SSH2: variants seen among roughly 807,000 people sequenced by gnomAD.
SSH2 encodes slingshot protein phosphatase 2.
A neutral mutation model predicts 135.2 loss-of-function variants in SSH2; 37 were observed. The ratio of observed to expected loss-of-function variants is 0.27; its 90% CI spans 0.21 to 0.36. The LOEUF is 0.36. SSH2 is among the 10% of genes least tolerant of loss of function. The pLI is 1.00. For synonymous variants in SSH2, 628 were observed against 646.2 expected (o/e 0.97, Z 0.43); for missense variants, 1,408 against 1,765.3 (o/e 0.80, Z 3.63).
chr17:29,683,409 A>AT (rs1472778353), intron 6 of SSH2, among the ~76,000 whole-genome samples: 2 of 152,216 alleles, frequency 1.3e-5, no homozygotes, highest in African/African-American at 4.8e-5. Flanking sequence ...GTACATAAAA[A>AT]GTTCTGCTTT....
At chr17:29,690,485 T>C (rs892378147) in intron 5 of SSH2, among the ~76,000 whole-genome samples, 1 of 151,788 alleles carries the variant, frequency 6.6e-6, no homozygotes, top group African/African-American at 2.4e-5. Flanking sequence ...GTAAGACTCT[T>C]GGTGAAAAGA....
intron 4 of SSH2, 86 bp downstream of exon 4, chr17:29,702,873 A>T: frequency 3.8e-6 from 4 of 1,056,308 alleles, no homozygotes; most frequent in Non-Finnish European, 5.9e-6. Context: ...GAACTTCTGA[A>T]GAGATGGGGA....
At chr17:29,743,816 T>C (rs2040652786) in intron 3 of SSH2, among the ~76,000 whole-genome samples, 1 of 152,190 alleles carries the variant, frequency 6.6e-6, no homozygotes, top group Non-Finnish European at 1.5e-5. Flanking sequence ...CACTAAATGT[T>C]ATGAAATATG....
chr17:29,826,651 C>T (rs973661978), intron 2 of SSH2, among the ~76,000 whole-genome samples: 1 of 152,138 alleles, frequency 6.6e-6, no homozygotes, highest in African/African-American at 2.4e-5. Flanking sequence ...AAGATGACCA[C>T]CTACCACACT....
At chr17:29,899,882 T>C (rs1399857422) in intron 1 of SSH2, among the ~76,000 whole-genome samples, 1 of 152,152 alleles carries the variant, frequency 6.6e-6, no homozygotes, top group African/African-American at 2.4e-5. Context: ...CTTCAAACTA[T>C]GCTACAAGGC....
At chr17:29,750,383 G>A (rs980613790) in intron 3 of SSH2, among the ~76,000 whole-genome samples, 1 of 146,974 alleles carries the variant, frequency 6.8e-6, no homozygotes, top group African/African-American at 2.5e-5. Flanking sequence ...AGGTGGCAGC[G>A]AGCCGAGATC....
chr17:29,652,953 G>T lies in SSH2; in HGVS notation c.1080-2153C>A, dbSNP rs553487965. 2.0e-5 allele frequency among the ~76,000 whole-genome samples: 3 copies of T among 152,226 alleles called. No individual in the cohort carries two copies. The East Asian group carries it at 5.8e-4, about 29-fold the overall frequency. ...TTACAGGTGTGAACCACCTTGCCCG[G>T]CCTCCTTATTTTATTTAAAATAAAA... On this transcript the variant is annotated intron_variant, in intron 12 of 15. Coordinates refer to ENST00000540801, the MANE Select transcript of SSH2 (RefSeq NM_001282129.2).
intron 3 of SSH2, among the ~76,000 whole-genome samples, chr17:29,718,154 T>C (rs1020163624): frequency 6.6e-6 from 1 of 152,210 alleles, no homozygotes; most frequent in African/African-American, 2.4e-5. Flanking sequence ...GACCATTTGA[T>C]ATGGTTAACA....
chr17:29,725,765 G>A (rs1045370494), intron 3 of SSH2, among the ~76,000 whole-genome samples: 6 of 152,198 alleles, frequency 3.9e-5, no homozygotes, highest in Non-Finnish European at 8.8e-5. Flanking sequence ...GGGGGCAAGA[G>A]GAGGGAGAGC....
At chr17:29,818,429 T>C (rs2042597258) in intron 2 of SSH2, among the ~76,000 whole-genome samples, 1 of 152,062 alleles carries the variant, frequency 6.6e-6, no homozygotes, top group Non-Finnish European at 1.5e-5. Flanking sequence ...TTCGTATTTT[T>C]AGTAGAGACG....
At chr17:29,745,046 T>C (rs1598923074) in intron 3 of SSH2, among the ~76,000 whole-genome samples, 1 of 152,160 alleles carries the variant, frequency 6.6e-6, no homozygotes, top group South Asian at 2.1e-4. Context: ...CCTTCCTAAA[T>C]AAACTATGTA....
intron 1 of SSH2, among the ~76,000 whole-genome samples, chr17:29,881,421 C>A (rs549230829): frequency 1.3e-5 from 2 of 152,090 alleles, no homozygotes; most frequent in African/African-American, 4.8e-5. Flanking sequence ...ATCTGTAGTG[C>A]CTATTTTCCC....
chr17:29,630,932 CG>C lies in SSH2; in HGVS notation c.4261del (p.Arg1421ValfsTer13), dbSNP rs1264148889. The C allele has an allele frequency of 3.7e-6, 6 of 1,609,148 alleles. No homozygotes were observed. Among genetic ancestry groups the C allele is most frequent in the Non-Finnish European group, 5.1e-6 (6 of 1,175,880 alleles). On this transcript the variant is annotated frameshift_variant, in exon 16 of 16. Coordinates refer to ENST00000540801, the MANE Select transcript of SSH2 (RefSeq NM_001282129.2). LOFTEE classifies it high-confidence loss of function. Reference sequence around the variant, plus strand: ...GGGGTGAGTTCTGCCGTGTTGCTGACGGGGTGCCACGGCCAGCCCTGGAGCT... The same window carrying C: ...GGGGTGAGTTCTGCCGTGTTGCTGACGGGTGCCACGGCCAGCCCTGGAGCT... ...CPAPGLAVAPRQQHGRTHPLR... is the reference protein window; with the variant it reads ...CPAPGLAVAPXQQHGRTHPLR...
At chr17:29,667,021 C>T in intron 10 of SSH2, 26 bp from the exon 11 acceptor site, 1 of 1,613,786 alleles carries the variant, frequency 6.2e-7, no homozygotes. Context: ...TATATTGGAC[C>T]CATCTCTTAA....
chr17:29,860,438 C>CTTTTTTTTT (rs376815701), intron 1 of SSH2, among the ~76,000 whole-genome samples: 1 of 114,274 alleles, frequency 8.8e-6, no homozygotes, highest in Non-Finnish European at 1.7e-5. Context: ...CCTTTGCCCA[C>CTTTTTTTTT]TTTTTTTTTT....
At chr17:29,829,877 T>C (rs938056694) in intron 2 of SSH2, among the ~76,000 whole-genome samples, 4 of 149,478 alleles carry the variant, frequency 2.7e-5, no homozygotes, top group African/African-American at 1.0e-4. Context: ...TCTCGCTCTA[T>C]CGCCCAGGCT....
intron 1 of SSH2, among the ~76,000 whole-genome samples, chr17:29,913,835 C>T (rs145368144): frequency 0.021 from 3,174 of 151,922 alleles, 46 homozygotes; most frequent in Middle Eastern, 0.059. Context: ...GATTTCTCCA[C>T]GTTGGTCAGG....
chr17:29,686,482 C>G (rs1347022808), intron 5 of SSH2, among the ~76,000 whole-genome samples: 1 of 151,324 alleles, frequency 6.6e-6, no homozygotes, highest in East Asian at 1.9e-4. Flanking sequence ...CTGCCTCAGC[C>G]TCCTGGGTAG....
chr17:29,723,234 T>TA lies in SSH2; in HGVS notation c.189-20173dup, dbSNP rs1033857720. On this transcript the variant is annotated intron_variant, in intron 3 of 15. Coordinates refer to ENST00000540801, the MANE Select transcript of SSH2 (RefSeq NM_001282129.2). ...CCTCCCTTCATTTTCCAATTCCAAA[T>TA]AAAAAAAAGCTTATCATGTACAGAA... Among the ~76,000 whole-genome samples the TA allele has an allele frequency of 4.6e-5, 7 of 151,740 alleles. No homozygotes were observed. In the East Asian group the frequency reaches 5.8e-4, roughly 13 times the overall value.
Sources: gnomAD v4.1 joint callset for allele counts (sites outside exome capture counted in the v4.1 genomes callset) on GRCh38, gnomAD v4.1.1 for gene constraint, MANE v1.5 for transcripts, NCBI Gene and HGNC (gene_info 2026-07-23, HGNC 2026-07-21) for gene names.